SLC5A4: variants seen among roughly 807,000 people sequenced by gnomAD.
SLC5A4 encodes probable glucose sensor protein SLC5A4.
SLC5A4 carries 55 observed loss-of-function variants against 70.3 expected under a neutral mutation model. The ratio of observed to expected loss-of-function variants is 0.78; its 90% CI spans 0.63 to 0.98. The LOEUF (loss-of-function observed/expected upper bound fraction) is 0.98, where lower values mean the gene tolerates loss of function less well. SLC5A4 is among the 50% of genes least tolerant of loss of function. The pLI is 0.00. For synonymous variants in SLC5A4, 268 were observed against 305.7 expected (o/e 0.88, Z 1.29); for missense variants, 735 against 839.2 (o/e 0.88, Z 1.53).
chr22:32,244,984 T>C (rs764330404), intron 5 of SLC5A4, among the ~76,000 whole-genome samples: 46 of 152,262 alleles, frequency 3.0e-4, no homozygotes, highest in Non-Finnish European at 6.0e-4. Flanking sequence ...ATCAGGATTT[T>C]CTTTTGCTAT....
At chr22:32,304,669 C>T in the SLC5A4 span, among the ~76,000 whole-genome samples, 62 of 152,146 alleles carry the variant, frequency 4.1e-4, 1 homozygote, top group Non-Finnish European at 7.3e-5. Flanking sequence ...TATTTTCTCC[C>T]GTTCTTTGGC....
chr22:32,231,140 A>C (rs1259834729), intron 9 of SLC5A4, 65 bp from the exon 10 acceptor site: 3 of 932,148 alleles, frequency 3.2e-6, no homozygotes, highest in Admixed American at 1.8e-5. Context: ...ACCATTAAAC[A>C]AAGAGAAAAG....
chr22:32,231,215 A>G lies in SLC5A4; in HGVS notation c.1022-140T>C, dbSNP rs973022011. On this transcript the variant is annotated intron_variant, in intron 9 of 14. Transcript: ENST00000266086. ...CTGGAGATTCAATTTTGAACTCCAT[A>G]TCATAGATCTGGCCCCTCTATGCCC... 9 of 651,838 alleles carry G rather than the reference A, an allele frequency of 1.4e-5. No homozygotes were observed. The Admixed American group carries it at 2.0e-4, about 14-fold the overall frequency. The allele number at this position is 651,838 out of a possible 1,614,324, so 40.4% of individuals were successfully genotyped here.
At chr22:32,260,343 A>C (rs905671527), upstream of SLC5A4, among the ~76,000 whole-genome samples, 10 of 152,126 alleles carry the variant, frequency 6.6e-5, no homozygotes, top group African/African-American at 2.4e-4. Flanking sequence ...GGGCAGCAGC[A>C]GCAGTCACTC....
At chr22:32,237,372 A>C in intron 6 of SLC5A4, 48 bp from the exon 7 acceptor site, 1 of 1,318,770 alleles carries the variant, frequency 7.6e-7, no homozygotes, top group Non-Finnish European at 1.0e-6. Flanking sequence ...ATGTGTCCTC[A>C]TGTATTTACC....
At chr22:32,242,916 A>T (rs922320049) in intron 5 of SLC5A4, among the ~76,000 whole-genome samples, 2 of 152,220 alleles carry the variant, frequency 1.3e-5, no homozygotes, top group Non-Finnish European at 2.9e-5. Context: ...TAAAGATTGG[A>T]TCTGATAAGA....
chr22:32,327,000 T>G, the SLC5A4 span, among the ~76,000 whole-genome samples: 54 of 152,320 alleles, frequency 3.5e-4, no homozygotes, highest in African/African-American at 1.3e-3. Flanking sequence ...TAACTTGACA[T>G]GAGGTGTTCA....
At chr22:32,336,834 G>A in the SLC5A4 span, among the ~76,000 whole-genome samples, 3 of 152,392 alleles carry the variant, frequency 2.0e-5, no homozygotes, top group South Asian at 6.2e-4. Context: ...AGTTCCTTAA[G>A]GGCAGGGGCC....
the SLC5A4 span, among the ~76,000 whole-genome samples, chr22:32,292,152 TATTA>T: frequency 3.6e-5 from 2 of 55,394 alleles, no homozygotes; most frequent in Non-Finnish European, 7.5e-5. Context: ...ATATTCTATA[TATTA>T]TATATATAAT....
At chr22:32,224,563 C>T in intron 12 of SLC5A4, 81 bp from the exon 13 acceptor site, 1 of 1,161,240 alleles carries the variant, frequency 8.6e-7, no homozygotes, top group Non-Finnish European at 1.3e-6. Flanking sequence ...TATAATCCTG[C>T]CTGCTTTCTC....
intron 3 of SLC5A4, among the ~76,000 whole-genome samples, chr22:32,250,064 T>A (rs556509806): frequency 6.6e-6 from 1 of 151,786 alleles, no homozygotes; most frequent in Non-Finnish European, 1.5e-5. Context: ...GGAGGAGAGA[T>A]GAAAGGGAGA....
the SLC5A4 span, chr22:32,271,131 C>A: frequency 1.5e-6 from 1 of 649,966 alleles, no homozygotes. Context: ...CTGTACCCTT[C>A]CAGACAGAGC....
At chr22:32,301,158 T>C in the SLC5A4 span, among the ~76,000 whole-genome samples, 6 of 152,174 alleles carry the variant, frequency 3.9e-5, no homozygotes, top group East Asian at 1.2e-3. Context: ...AGACGGGGTT[T>C]CACCATCTTG....
chr22:32,344,022 AGAAAG>A, the SLC5A4 span, among the ~76,000 whole-genome samples: 16 of 152,348 alleles, frequency 1.1e-4, no homozygotes, highest in East Asian at 2.5e-3. Flanking sequence ...AAATGTGAAC[AGAAAG>A]GAGAGATGAT....
At chr22:32,292,328 G>T in the SLC5A4 span, among the ~76,000 whole-genome samples, 1 of 136,270 alleles carries the variant, frequency 7.3e-6, no homozygotes, top group Non-Finnish European at 1.5e-5. Flanking sequence ...TAATATATAT[G>T]GTATATGGAA....
At chr22:32,274,925 A>G in the SLC5A4 span, among the ~76,000 whole-genome samples, 1 of 135,538 alleles carries the variant, frequency 7.4e-6, no homozygotes, top group African/African-American at 2.7e-5. Flanking sequence ...GTTCAGTTCA[A>G]CTTATGAGTC....
chr22:32,255,534 A>G (rs552783690), upstream of SLC5A4, among the ~76,000 whole-genome samples: 3 of 152,220 alleles, frequency 2.0e-5, no homozygotes, highest in African/African-American at 7.2e-5. Flanking sequence ...TGAGGGATGC[A>G]GGGCCAGAAA....
chr22:32,263,910 T>C, the SLC5A4 span, among the ~76,000 whole-genome samples: 3 of 152,150 alleles, frequency 2.0e-5, no homozygotes, highest in Non-Finnish European at 4.4e-5. Context: ...GGACATGGAT[T>C]AAGCTGGGAA....
At chr22:32,324,477 T>C in the SLC5A4 span, among the ~76,000 whole-genome samples, 2 of 152,116 alleles carry the variant, frequency 1.3e-5, no homozygotes, top group Non-Finnish European at 2.9e-5. Context: ...AAGGAGTCTT[T>C]CCAGAAAGCC....
Sources: gnomAD v4.1 joint callset for allele counts (sites outside exome capture counted in the v4.1 genomes callset) on GRCh38, gnomAD v4.1.1 for gene constraint, MANE v1.5 for transcripts, NCBI Gene and HGNC (gene_info 2026-07-23, HGNC 2026-07-21) for gene names.